ZNF599: variants seen among roughly 807,000 people sequenced by gnomAD.
The protein encoded by ZNF599 is zinc finger protein 599.
Under a neutral mutation model 11.7 loss-of-function variants are expected in ZNF599, and 10 were observed. The ratio of observed to expected loss-of-function variants is 0.86; its 90% CI spans 0.53 to 1.45. The LOEUF (loss-of-function observed/expected upper bound fraction) is 1.45. Among genes scored for constraint, ZNF599 ranks in the 40% most tolerant of loss-of-function variants. The probability of loss-of-function intolerance (pLI) is 0.00; values close to 1 mark genes in which losing one functional copy is unlikely to be tolerated. For synonymous variants in ZNF599, 232 were observed against 253.2 expected, an observed-to-expected ratio of 0.92 and a Z score of 0.79; for missense variants, 688 against 713.6, an observed-to-expected ratio of 0.96 and a Z score of 0.41.
intron 3 of ZNF599, among the ~76,000 whole-genome samples, chr19:34,761,942 A>C (rs1325056973): frequency 6.6e-6 from 1 of 152,218 alleles, no homozygotes; most frequent in African/African-American, 2.4e-5. Context: ...AATAAACAAA[A>C]AAGCAAACAA....
chr19:34,779,631 A>C, the ZNF599 span: 1 of 342,078 alleles, frequency 2.9e-6, no homozygotes, highest in Non-Finnish European at 5.7e-6. Context: ...TAGGAGATGC[A>C]CTCATAAGGC....
chr19:34,777,385 T>TATA (rs1156733122), upstream of ZNF599, among the ~76,000 whole-genome samples: 1 of 86,190 alleles, frequency 1.2e-5, no homozygotes, highest in Non-Finnish European at 2.1e-5. Flanking sequence ...TATATATTAA[T>TATA]TAATATATAA....
chr19:34,764,793 G>GT (rs1316461942), intron 3 of ZNF599: 5 of 152,190 alleles, frequency 3.3e-5, no homozygotes, highest in Non-Finnish European at 7.4e-5. Flanking sequence ...TGAAAACACT[G>GT]TATTTCTTGA....
intron 3 of ZNF599, chr19:34,764,546 T>A (rs936737278): frequency 6.6e-6 from 1 of 152,066 alleles, no homozygotes; most frequent in African/African-American, 2.4e-5. Flanking sequence ...AATAGGAAAA[T>A]GGGTATATGT....
the ZNF599 span, among the ~76,000 whole-genome samples, chr19:34,804,062 A>C: frequency 6.6e-6 from 1 of 152,158 alleles, no homozygotes; most frequent in Non-Finnish European, 1.5e-5. Context: ...GCAACCCTTA[A>C]TCCTGCTAAG....
the ZNF599 span, among the ~76,000 whole-genome samples, chr19:34,796,161 G>T: frequency 6.6e-6 from 1 of 152,096 alleles, no homozygotes; most frequent in Admixed American, 6.5e-5. Context: ...GTCTTCTAGG[G>T]TTTCACAGTG....
chr19:34,799,158 C>A, the ZNF599 span, among the ~76,000 whole-genome samples: 1 of 152,082 alleles, frequency 6.6e-6, no homozygotes, highest in East Asian at 1.9e-4. Context: ...ATGCACCACC[C>A]CATCCTCCTA....
chr19:34,777,649 A>T (rs974633565), upstream of ZNF599, among the ~76,000 whole-genome samples: 1 of 145,356 alleles, frequency 6.9e-6, no homozygotes, highest in Non-Finnish European at 1.5e-5. Context: ...CCTTTAAAAA[A>T]TGAGGAAATC....
Position 34,767,380 on chromosome 19 carries a change from A to G in ZNF599, c.177T>C (p.Tyr59=), listed in dbSNP as rs959714509. 1 of 1,614,042 alleles carries G rather than the reference A, an allele frequency of 6.2e-7. No individual in the cohort carries two copies. The highest frequency in any genetic ancestry group is 8.5e-7 in the Non-Finnish European group (1 of 1,180,008). ...GHPVPKPELI[Y]LLEHGQELWT... ...ACAGTTCCTGTCCATGTTCCAGTAG[A>G]TAGATCAGCTCTGGTTTGGGAACAG... Residue 59 remains tyrosine, a synonymous_variant, in exon 3 of 4, where the codon TAT becomes TAC. Transcript: ENST00000329285.
In ZNF599 at chr19:34,773,198, G is replaced by T. The variant is rs2069197732; in HGVS notation, c.-357C>A. ...CCACAGCAGCCGCAACCTAACGGCG[G>T]ACGAAGACTGGACGCCGGAAGTCCC... On this transcript the variant is annotated 5_prime_UTR_variant, in exon 1 of 4. Coordinates refer to ENST00000329285, the MANE Select transcript of ZNF599 (RefSeq NM_001007248.3). The T allele has an allele frequency of 3.5e-6, 1 of 288,616 alleles. No homozygotes were observed. Among genetic ancestry groups the T allele is most frequent in the African/African-American group, 2.2e-5 (1 of 45,946 alleles). 17.9% of individuals were successfully genotyped at this position (288,616 alleles called of 1,614,324 possible).
Position 34,760,168 on chromosome 19 carries a change from C to T in ZNF599, c.633G>A (p.Lys211=), listed in dbSNP as rs139585753. The T allele has an allele frequency of 1.2e-6, 2 of 1,614,176 alleles. No individual in the cohort carries two copies. The highest frequency in any genetic ancestry group is 4.5e-5 in the East Asian group (2 of 44,882). The part of the protein sequence containing the change: ...CTECGKGFSK[K]WALVRHQQIH... ...TCTGTTGATGCCGAACAAGGGCCCACTTCTTGCTAAACCCTTTCCCACATT... is the reference window on the plus strand; with the variant it reads ...TCTGTTGATGCCGAACAAGGGCCCATTTCTTGCTAAACCCTTTCCCACATT... Residue 211 remains lysine (K), a synonymous_variant, in exon 4 of 4, where the codon AAG becomes AAA. Coordinates refer to ENST00000329285, the MANE Select transcript of ZNF599 (RefSeq NM_001007248.3).
the ZNF599 span, among the ~76,000 whole-genome samples, chr19:34,780,429 A>G: frequency 6.6e-6 from 1 of 151,958 alleles, no homozygotes. Flanking sequence ...GGATTGCTTG[A>G]GCCCAAGAGG....
intron 1 of ZNF599, among the ~76,000 whole-genome samples, chr19:34,769,864 A>ACAG (rs1325496175): frequency 1.3e-5 from 2 of 152,206 alleles, no homozygotes; most frequent in Non-Finnish European, 2.9e-5. Context: ...AACAATAATC[A>ACAG]CAGCAGCAGC....
At position 34,759,128 on chromosome 19, in the gene ZNF599, G is replaced by C; in HGVS notation, c.1673C>G (p.Thr558Ser). ...FALTQHMRTH[T>S]GEKPFECNEC... ...ATTGCATTCAAAGGGTTTCTCTCCA[G>C]TGTGAGTTCTCATGTGCTGAGTTAA... Residue 558 changes from threonine (T) to serine (S), a missense_variant, in exon 4 of 4, where the codon ACT becomes AGT. Thr to Ser is a moderately conservative substitution (Grantham distance 58). Transcript: ENST00000329285. 6.2e-7 allele frequency: 1 copy of C among 1,614,240 alleles called. No individual in the cohort carries two copies. The highest frequency in any genetic ancestry group is 8.5e-7 in the Non-Finnish European group (1 of 1,180,036).
the ZNF599 span, among the ~76,000 whole-genome samples, chr19:34,778,422 A>G: frequency 6.6e-6 from 1 of 152,106 alleles, no homozygotes; most frequent in Non-Finnish European, 1.5e-5. Context: ...AGCAGAAAAA[A>G]CTTAGAGAAA....
chr19:34,762,342 C>T (rs1331712742), intron 3 of ZNF599, among the ~76,000 whole-genome samples: 2 of 152,146 alleles, frequency 1.3e-5, no homozygotes, highest in Non-Finnish European at 2.9e-5. Flanking sequence ...ACAACATCAA[C>T]TATTGAAGAG....
At position 34,767,442 on chromosome 19, in the gene ZNF599, G is replaced by A. The variant is rs187901097; in HGVS notation, c.146-31C>T. 457 of 1,566,178 alleles carry A rather than the reference G, an allele frequency of 2.9e-4. No individual in the cohort carries two copies. In the African/African-American group the frequency reaches 4.9e-3, roughly 17 times the overall value. Reference sequence around the variant, plus strand: ...CATGGAGAAACAAATGGAGTATGGTGTACAGGGAAAGACAAAAAGAAAAGT... The same window carrying A: ...CATGGAGAAACAAATGGAGTATGGTATACAGGGAAAGACAAAAAGAAAAGT... On this transcript the variant is annotated intron_variant, in intron 2 of 3. Coordinates refer to ENST00000329285, the MANE Select transcript of ZNF599 (RefSeq NM_001007248.3).
intron 3 of ZNF599, chr19:34,765,043 TA>T (rs34001569): frequency 2.0e-3 from 292 of 142,738 alleles, no homozygotes; most frequent in South Asian, 0.02. Flanking sequence ...GTAAGAGCAC[TA>T]AAAAAAAAAA....
the ZNF599 span, among the ~76,000 whole-genome samples, chr19:34,789,131 G>A: frequency 3.3e-5 from 5 of 152,062 alleles, no homozygotes; most frequent in African/African-American, 1.2e-4. Flanking sequence ...TTACTCCTAT[G>A]ACTTTTTTAG....
Sources: gnomAD v4.1 joint callset for allele counts (sites outside exome capture counted in the v4.1 genomes callset) on GRCh38, gnomAD v4.1.1 for gene constraint, MANE v1.5 for transcripts, NCBI Gene and HGNC (gene_info 2026-07-23, HGNC 2026-07-21) for gene names.